The following TMEM131 variants were observed in gnomAD, a reference collection of about 807,000 sequenced individuals.
TMEM131 encodes 2610524E03Rik.
Under a neutral mutation model 211.6 loss-of-function variants are expected in TMEM131, and 66 were observed. That is an observed-to-expected ratio of 0.31 (90% confidence interval 0.26 to 0.38). TMEM131 has a LOEUF of 0.38. Ranked by LOEUF, TMEM131 falls within the 10% of genes least tolerant of loss-of-function variation. TMEM131 has a pLI of 1.00. For synonymous variants in TMEM131, 844 were observed against 841.3 expected (o/e 1.00, Z -0.06); for missense variants, 2,036 against 2,299.3 (o/e 0.89, Z 2.34).
chr2:97,955,807 T>A (rs1392140063), intron 1 of TMEM131, among the ~76,000 whole-genome samples: 1 of 151,988 alleles, frequency 6.6e-6, no homozygotes, highest in South Asian at 2.1e-4. Flanking sequence ...ATGTACAGGA[T>A]CTATATACTA....
chr2:97,783,810 T>C (rs1680124955), intron 31 of TMEM131, among the ~76,000 whole-genome samples: 1 of 151,812 alleles, frequency 6.6e-6, no homozygotes, highest in Non-Finnish European at 1.5e-5. Context: ...AAGACAGAGA[T>C]TGGCAGACTG....
intron 5 of TMEM131, among the ~76,000 whole-genome samples, chr2:97,857,009 T>A (rs1673877037): frequency 6.6e-6 from 1 of 152,188 alleles, no homozygotes. Context: ...ACACATTTAG[T>A]TTATCTTTTA....
Position 97,796,917 on chromosome 2 carries a change from T to G in TMEM131, c.2940A>C (p.Ala980=), listed in dbSNP as rs1573375083. 1 of 1,613,986 alleles carries G rather than the reference T, an allele frequency of 6.2e-7. No homozygotes were observed. Among genetic ancestry groups the G allele is most frequent in the Non-Finnish European group, 8.5e-7 (1 of 1,179,850 alleles). The change falls in exon 27 of 41, where the codon GCA becomes GCC. Residue 980 remains alanine (A), a synonymous_variant. Coordinates refer to ENST00000186436, the MANE Select transcript of TMEM131 (RefSeq NM_015348.2). ...GQGTTENLRV[A]GKLPGPGSSL... is the part of the protein sequence containing the mutation. ...AGCTTCCTGGACCTGGAAGCTTGCC[T>G]GCCACCCTCAAGTTCTCAGTTGTTC... is the stretch of plus-strand genomic sequence containing the variant.
chr2:97,795,699 G>A (rs1680727948), intron 28 of TMEM131, among the ~76,000 whole-genome samples: 1 of 152,120 alleles, frequency 6.6e-6, no homozygotes, highest in African/African-American at 2.4e-5. Context: ...TCAATTAAGG[G>A]ACAGAAGTTG....
intron 33 of TMEM131, among the ~76,000 whole-genome samples, chr2:97,767,317 G>A (rs1679219982): frequency 6.6e-6 from 1 of 152,182 alleles, no homozygotes; most frequent in Admixed American, 6.5e-5. Flanking sequence ...AGTGAGGTAG[G>A]AAAACCTGCT....
intron 7 of TMEM131, among the ~76,000 whole-genome samples, chr2:97,838,535 C>T (rs1683044094): frequency 7.0e-6 from 1 of 142,386 alleles, no homozygotes; most frequent in African/African-American, 2.6e-5. Context: ...ACCTCTGCCT[C>T]CTGGGTTCAA....
intron 32 of TMEM131, among the ~76,000 whole-genome samples, chr2:97,775,379 C>T (rs2104815880): frequency 6.6e-6 from 1 of 152,330 alleles, no homozygotes; most frequent in East Asian, 1.9e-4. Context: ...GGTCACCACT[C>T]TACTGCTTGG....
chr2:97,864,145 G>A (rs1380582950), intron 4 of TMEM131, among the ~76,000 whole-genome samples: 2 of 152,182 alleles, frequency 1.3e-5, no homozygotes, highest in South Asian at 2.1e-4. Flanking sequence ...AACTTTCCAT[G>A]TTCTCACTAT....
rs142331794 is a variant in TMEM131, at chr2:97,943,951, G to A, written c.188-16464C>T. On this transcript the variant is annotated intron_variant, in intron 1 of 40. Coordinates refer to ENST00000186436, the MANE Select transcript of TMEM131 (RefSeq NM_015348.2). ...ACAAAAATTAGCTGGGCATGGTGGT[G>A]CGCGCCTGTAGTCGCAGCTACCTGG... Among the ~76,000 whole-genome samples the A allele has an allele frequency of 3.3e-3, 495 of 152,136 alleles. 7 individuals carry two copies. The East Asian group carries it at 0.04, about 12-fold the overall frequency.
At chr2:97,981,028 C>CAAAAAAAAAAAAAAAAAAAAAAAA (rs57606185) in intron 1 of TMEM131, among the ~76,000 whole-genome samples, 13 of 37,972 alleles carry the variant, frequency 3.4e-4, no homozygotes, top group Admixed American at 4.4e-4. Flanking sequence ...AACTACACAC[C>CAAAAAAAAAAAAAAAAAAAAAAAA]AAAAAAAAAA....
Position 97,834,930 on chromosome 2 carries a change from C to G in TMEM131, c.805-5G>C. On this transcript the variant is annotated splice_region_variant and splice_polypyrimidine_tract_variant and intron_variant, in intron 8 of 40. Transcript: ENST00000186436. ...GGTTTCATAAGGAGGAATTTCCTGA[C>G]AAGTTAACAGACCATAATGTAGCAC... is the stretch of plus-strand genomic sequence containing the variant. 2 of 1,613,494 alleles carry G rather than the reference C, an allele frequency of 1.2e-6. No homozygotes were observed. Among genetic ancestry groups the G allele is most frequent in the Non-Finnish European group, 1.7e-6 (2 of 1,179,714 alleles).
intron 3 of TMEM131, among the ~76,000 whole-genome samples, chr2:97,900,691 T>C (rs752045369): frequency 8.5e-5 from 13 of 152,060 alleles, no homozygotes; most frequent in Non-Finnish European, 1.8e-4. Flanking sequence ...TGCAGCTATC[T>C]CTTTGACATA....
intron 29 of TMEM131, 76 bp from the exon 30 acceptor site, chr2:97,793,629 A>T (rs1336452689): frequency 1.4e-6 from 2 of 1,406,626 alleles, no homozygotes; most frequent in African/African-American, 2.9e-5. Flanking sequence ...TGTTAAAGGC[A>T]GAGTTTCTTG....
chr2:97,916,568 C>T (rs569598668), intron 2 of TMEM131, among the ~76,000 whole-genome samples: 4 of 152,040 alleles, frequency 2.6e-5, no homozygotes, highest in African/African-American at 7.3e-5. Context: ...GTTTTGAGTA[C>T]AAAATTAGTT....
chr2:97,968,993 G>A (rs1195143393), intron 1 of TMEM131, among the ~76,000 whole-genome samples: 2 of 151,808 alleles, frequency 1.3e-5, no homozygotes, highest in African/African-American at 4.8e-5. Context: ...TAAGATGGGA[G>A]GATCACATGA....
At chr2:97,887,891 C>G in intron 4 of TMEM131, 161 bp downstream of exon 4, 1 of 571,822 alleles carries the variant, frequency 1.7e-6, no homozygotes. Flanking sequence ...TAGATACTTA[C>G]TTCCCATTTT....
rs1053353980 is a variant in TMEM131 at position 97,775,689 on chromosome 2, C to T, written c.4320+154G>A. 2.0e-5 allele frequency among the ~76,000 whole-genome samples: 3 copies of T among 152,146 alleles called. No individual in the cohort carries two copies. In the South Asian group the frequency reaches 6.2e-4, roughly 32 times the overall value. ...CTGCAGGGGAATGACTCTGGAGGCA[C>T]GCCCAGCACAGGAACCATTCCTCAG... On this transcript the variant is annotated intron_variant, in intron 32 of 40. Coordinates refer to ENST00000186436, the MANE Select transcript of TMEM131 (RefSeq NM_015348.2).
In TMEM131 at chr2:97,815,291, C is replaced by T. The variant is rs779052653; in HGVS notation, c.1200G>A (p.Lys400=). 3.8e-6 allele frequency: 6 copies of T among 1,567,044 alleles called. No individual in the cohort carries two copies. The highest frequency in any genetic ancestry group is 4.2e-5 in the Admixed American group (2 of 47,682). Reference sequence around the variant, plus strand: ...TTATTTTCCCAGAAAACTGAGATGGCTTTTTTGCCTTCGATGCTGAAAGGA... The same window carrying T: ...TTATTTTCCCAGAAAACTGAGATGGTTTTTTTGCCTTCGATGCTGAAAGGA... ...SISFDASKAK[K]PSQFSGKITV... is the part of the protein sequence containing the mutation. The change falls in exon 13 of 41, where the codon AAG becomes AAA. Residue 400 remains lysine, a synonymous_variant. Transcript: ENST00000186436.
chr2:97,766,504 T>C lies in TMEM131; in HGVS notation c.4547A>G (p.Lys1516Arg). ...TTTTGTTTTCTGGGCATTTCGTGATTTGGATCCACTTGTCATTGCAGTTGG... is the reference window on the plus strand; with the variant it reads ...TTTTGTTTTCTGGGCATTTCGTGATCTGGATCCACTTGTCATTGCAGTTGG... ...PLPTAMTSGSKSRNAQKTKGT... is the reference protein window; with the variant it reads ...PLPTAMTSGSRSRNAQKTKGT... The change falls in exon 34 of 41, where the codon AAA becomes AGA. Residue 1516 changes from lysine to arginine, a missense_variant. Lys to Arg is a conservative substitution (Grantham distance 26). This residue lies in a region of TMEM131 where 1,623 missense variants were observed against 1,805.9 expected (regional missense o/e 0.90). Transcript: ENST00000186436. The C allele has an allele frequency of 2.5e-6, 4 of 1,614,020 alleles. No homozygotes were observed. The highest frequency in any genetic ancestry group is 3.4e-6 in the Non-Finnish European group (4 of 1,179,878).
Sources: gnomAD v4.1 joint callset for allele counts (sites outside exome capture counted in the v4.1 genomes callset) on GRCh38, gnomAD v4.1.1 for gene constraint, gnomAD v4.1.1 regional missense constraint, MANE v1.5 for transcripts, NCBI Gene and HGNC (gene_info 2026-07-23, HGNC 2026-07-21) for gene names.